DIP2C: variants seen among roughly 807,000 people sequenced by gnomAD.
The protein encoded by DIP2C is disco-interacting protein 2 homolog C.
DIP2C carries 33 observed loss-of-function variants against 192.4 expected under a neutral mutation model. The ratio of observed to expected loss-of-function variants is 0.17; its 90% CI spans 0.13 to 0.23. The LOEUF (loss-of-function observed/expected upper bound fraction) is 0.23, where lower values mean the gene tolerates loss of function less well. DIP2C is among the 10% of genes least tolerant of loss of function. DIP2C has a pLI of 1.00. For missense variants in DIP2C, 1,537 were observed against 2,110.1 expected, an observed-to-expected ratio of 0.73 and a Z score of 5.32; for synonymous variants, 979 against 864.1, an observed-to-expected ratio of 1.13 and a Z score of -2.33.
chr10:610,857 C>T (rs1252618033), intron 1 of DIP2C, among the ~76,000 whole-genome samples: 1 of 147,398 alleles, frequency 6.8e-6, no homozygotes, highest in Non-Finnish European at 1.5e-5. Context: ...GTGACTGACT[C>T]ATGGGGGTGG....
chr10:592,396 A>AC (rs1303220698), intron 1 of DIP2C, among the ~76,000 whole-genome samples: 2 of 152,228 alleles, frequency 1.3e-5, no homozygotes, highest in Admixed American at 6.5e-5. Flanking sequence ...AGACATACAT[A>AC]CCCTCCCAAA....
At chr10:603,292 C>A (rs1284517998) in intron 1 of DIP2C, among the ~76,000 whole-genome samples, 1 of 81,112 alleles carries the variant, frequency 1.2e-5, no homozygotes, top group East Asian at 3.6e-4. Flanking sequence ...GAATGAGACT[C>A]CATCTCAAAA....
chr10:565,547 G>T (rs1006638800), intron 1 of DIP2C, among the ~76,000 whole-genome samples: 1 of 152,080 alleles, frequency 6.6e-6, no homozygotes, highest in East Asian at 1.9e-4. Flanking sequence ...CGTAAGAGAG[G>T]CATTTTCCAC....
chr10:370,252 C>T (rs565116841), intron 17 of DIP2C, among the ~76,000 whole-genome samples: 1 of 152,344 alleles, frequency 6.6e-6, no homozygotes, highest in African/African-American at 2.4e-5. Flanking sequence ...CAGGAGAAGA[C>T]GGGTCCGCAT....
intron 36 of DIP2C, among the ~76,000 whole-genome samples, chr10:280,727 T>C (rs975044156): frequency 6.6e-6 from 1 of 152,274 alleles, no homozygotes. Flanking sequence ...ACCTTGTCAC[T>C]GTCAGCCTTA....
chr10:521,323 C>T (rs80275342), intron 1 of DIP2C, among the ~76,000 whole-genome samples: 1 of 152,182 alleles, frequency 6.6e-6, no homozygotes, highest in Non-Finnish European at 1.5e-5. Flanking sequence ...TTACGAGCAG[C>T]CTGTGGATTC....
intron 1 of DIP2C, among the ~76,000 whole-genome samples, chr10:563,480 T>C (rs1291189334): frequency 6.6e-6 from 1 of 152,350 alleles, no homozygotes; most frequent in South Asian, 2.1e-4. Flanking sequence ...ATTCATGCAA[T>C]GGCATAGTAG....
At chr10:477,855 G>A (rs1037603545) in intron 2 of DIP2C, among the ~76,000 whole-genome samples, 4 of 134,330 alleles carry the variant, frequency 3.0e-5, no homozygotes, top group African/African-American at 8.6e-5. Context: ...AAAAGGAGAA[G>A]TGAAGGAAGC....
At chr10:671,874 G>A (rs1349437856) in intron 1 of DIP2C, among the ~76,000 whole-genome samples, 2 of 143,742 alleles carry the variant, frequency 1.4e-5, no homozygotes, top group Non-Finnish European at 1.5e-5. Flanking sequence ...CACGGAAGGA[G>A]GAAACAGGCC....
At chr10:683,636 G>A (rs1831210168) in intron 1 of DIP2C, among the ~76,000 whole-genome samples, 1 of 152,184 alleles carries the variant, frequency 6.6e-6, no homozygotes, top group East Asian at 1.9e-4. Context: ...GTGACGGCAA[G>A]CAGGAGTTTG....
chr10:440,094 G>A (rs1204536817), intron 4 of DIP2C, among the ~76,000 whole-genome samples: 1 of 152,114 alleles, frequency 6.6e-6, no homozygotes, highest in Non-Finnish European at 1.5e-5. Context: ...GCTTTACTTG[G>A]GTGGGAAGAT....
chr10:581,661 A>G (rs933329045), intron 1 of DIP2C, among the ~76,000 whole-genome samples: 1 of 152,170 alleles, frequency 6.6e-6, no homozygotes, highest in African/African-American at 2.4e-5. Context: ...CGAGAGAATC[A>G]AACAGCAAGG....
chr10:674,803 G>GAC (rs1830811909), intron 1 of DIP2C, among the ~76,000 whole-genome samples: 1 of 115,640 alleles, frequency 8.6e-6, no homozygotes, highest in Non-Finnish European at 1.8e-5. Flanking sequence ...GAGAGAGAGA[G>GAC]AGAGAGAGAG....
In DIP2C at chr10:407,059, A is replaced by T. The variant is rs145469303; in HGVS notation, c.1149+1867T>A. 7.9e-5 allele frequency among the ~76,000 whole-genome samples: 12 copies of T among 152,202 alleles called. No individual in the cohort carries two copies. The East Asian group carries it at 1.9e-3, about 25-fold the overall frequency. On this transcript the variant is annotated intron_variant, in intron 9 of 36. Transcript: ENST00000280886. Reference sequence around the variant, plus strand: ...CTTAAAAACTCTGAACGATCCTCAAACACTTGGGGAGACCGATTTGAGAAA... The same window carrying T: ...CTTAAAAACTCTGAACGATCCTCAATCACTTGGGGAGACCGATTTGAGAAA...
intron 1 of DIP2C, among the ~76,000 whole-genome samples, chr10:583,589 C>T (rs1304016074): frequency 1.3e-5 from 2 of 152,212 alleles, no homozygotes; most frequent in East Asian, 3.9e-4. Flanking sequence ...ACAGCCTCAC[C>T]TGGGCCTCGC....
rs11253071 is a variant in DIP2C, at chr10:538,515, G to C, written c.86-51985C>G. Among the ~76,000 whole-genome samples, 11 of 152,278 alleles carry C rather than the reference G, an allele frequency of 7.2e-5. No homozygotes were observed. The East Asian group carries it at 2.1e-3, about 29-fold the overall frequency. On this transcript the variant is annotated intron_variant, in intron 1 of 36. Coordinates refer to ENST00000280886, the MANE Select transcript of DIP2C (RefSeq NM_014974.3). ...CCACAATCCTGGACTCTTCCAGTCCGGACCGTACAGGGGCTAGGGTGAGAG... is the reference window on the plus strand; with the variant it reads ...CCACAATCCTGGACTCTTCCAGTCCCGACCGTACAGGGGCTAGGGTGAGAG...
chr10:438,431 A>G (rs1196059134), intron 4 of DIP2C, among the ~76,000 whole-genome samples: 2 of 152,242 alleles, frequency 1.3e-5, no homozygotes, highest in East Asian at 3.8e-4. Context: ...ACACATACAA[A>G]TAACATTTTT....
intron 1 of DIP2C, among the ~76,000 whole-genome samples, chr10:638,227 A>G (rs1234702300): frequency 2.0e-5 from 3 of 152,260 alleles, no homozygotes; most frequent in Non-Finnish European, 4.4e-5. Flanking sequence ...TTTCAGAGCT[A>G]GGTGGAAGTA....
intron 14 of DIP2C, 70 bp from the exon 15 acceptor site, chr10:384,709 G>T (rs1272371251): frequency 3.3e-6 from 5 of 1,500,270 alleles, no homozygotes; most frequent in Non-Finnish European, 3.7e-6. Context: ...TCACCCAGTG[G>T]CATGGACACT....
Sources: gnomAD v4.1 joint callset for allele counts (sites outside exome capture counted in the v4.1 genomes callset) on GRCh38, gnomAD v4.1.1 for gene constraint, MANE v1.5 for transcripts, NCBI Gene and HGNC (gene_info 2026-07-23, HGNC 2026-07-21) for gene names.